FHIT: variants seen among roughly 807,000 people sequenced by gnomAD.
FHIT encodes the protein bis(5'-adenosyl)-triphosphatase.
A neutral mutation model predicts 17.9 loss-of-function variants in FHIT; 19 were observed. The ratio of observed to expected loss-of-function variants is 1.06; its 90% CI spans 0.74 to 1.56. The LOEUF is 1.56. FHIT is among the 40% of genes most tolerant of loss of function. The probability of loss-of-function intolerance (pLI) is 0.00; values close to 1 mark genes in which losing one functional copy is unlikely to be tolerated. For missense variants in FHIT, 248 were observed against 189.2 expected, an observed-to-expected ratio of 1.31 and a Z score of -1.82; for synonymous variants, 81 against 69.7, an observed-to-expected ratio of 1.16 and a Z score of -0.81.
chr3:60,070,653 A>G (rs1702727363), intron 5 of FHIT, among the ~76,000 whole-genome samples: 1 of 151,222 alleles, frequency 6.6e-6, no homozygotes. Flanking sequence ...CTGCTCAGCT[A>G]TGTTTAGAGG....
chr3:60,153,173 A>G (rs891948452), intron 5 of FHIT, among the ~76,000 whole-genome samples: 1 of 152,170 alleles, frequency 6.6e-6, no homozygotes, highest in Admixed American at 6.5e-5. Flanking sequence ...TGTACTATGG[A>G]TAAGATGACT....
intron 5 of FHIT, among the ~76,000 whole-genome samples, chr3:60,470,805 TG>T (rs370444354): frequency 1.3e-5 from 2 of 152,228 alleles, no homozygotes; most frequent in African/African-American, 4.8e-5. Context: ...CCACCACAGC[TG>T]GGAATGTGCT....
At chr3:60,712,346 A>G (rs1472920792) in intron 4 of FHIT, among the ~76,000 whole-genome samples, 2 of 152,152 alleles carry the variant, frequency 1.3e-5, no homozygotes, top group African/African-American at 2.4e-5. Context: ...AGACCATCGA[A>G]ACTAGGAAGA....
intron 5 of FHIT, among the ~76,000 whole-genome samples, chr3:60,217,169 T>A (rs1703733911): frequency 2.0e-5 from 3 of 152,172 alleles, no homozygotes; most frequent in Admixed American, 6.5e-5. Context: ...GAATACACAA[T>A]TACAAGCTTC....
intron 5 of FHIT, among the ~76,000 whole-genome samples, chr3:60,056,794 G>T (rs1292246606): frequency 6.6e-6 from 1 of 152,174 alleles, no homozygotes; most frequent in Non-Finnish European, 1.5e-5. Context: ...TGAAAGAGGG[G>T]CCAATACTTT....
At chr3:61,216,289 A>T (rs1400648910) in intron 1 of FHIT, among the ~76,000 whole-genome samples, 1 of 152,230 alleles carries the variant, frequency 6.6e-6, no homozygotes, top group Non-Finnish European at 1.5e-5. Flanking sequence ...ACTCAAATAA[A>T]TTTACAAGAC....
At chr3:61,076,085 T>A (rs1188023152) in intron 2 of FHIT, among the ~76,000 whole-genome samples, 2 of 152,150 alleles carry the variant, frequency 1.3e-5, no homozygotes, top group Non-Finnish European at 2.9e-5. Flanking sequence ...AATGATTACC[T>A]AAGGTTATAA....
intron 3 of FHIT, among the ~76,000 whole-genome samples, chr3:60,916,602 C>G (rs1354386897): frequency 6.6e-6 from 1 of 152,186 alleles, no homozygotes; most frequent in Non-Finnish European, 1.5e-5. Flanking sequence ...GTCAGAGAGA[C>G]CTTTAATTTG....
At chr3:60,869,390 C>T (rs185370806) in intron 3 of FHIT, among the ~76,000 whole-genome samples, 15 of 152,218 alleles carry the variant, frequency 9.9e-5, no homozygotes, top group Non-Finnish European at 2.1e-4. Flanking sequence ...CCCCCAGTGC[C>T]GGGAACCAGA....
chr3:60,943,985 G>A (rs1708530605), intron 3 of FHIT, among the ~76,000 whole-genome samples: 1 of 152,088 alleles, frequency 6.6e-6, no homozygotes. Context: ...ATCGGGAACA[G>A]CTCTCATTCT....
rs901163 is a variant in FHIT, at chr3:59,840,336, C to T, written c.348+82010G>A. Among the ~76,000 whole-genome samples, 25 of 151,206 alleles carry T rather than the reference C, an allele frequency of 1.7e-4. 1 individual carries two copies. In the South Asian group the frequency reaches 3.6e-3, roughly 22 times the overall value. ...TTGATAAGGATGGCAAACCCACTTCCTTCAGCATATTGCCAGCTCACAGGA... is the reference window on the plus strand; with the variant it reads ...TTGATAAGGATGGCAAACCCACTTCTTTCAGCATATTGCCAGCTCACAGGA... On this transcript the variant is annotated intron_variant, in intron 8 of 9. Coordinates refer to ENST00000492590, the MANE Select transcript of FHIT (RefSeq NM_002012.4).
At chr3:60,372,739 CT>C (rs1299323408) in intron 5 of FHIT, among the ~76,000 whole-genome samples, 4 of 152,132 alleles carry the variant, frequency 2.6e-5, no homozygotes, top group Admixed American at 2.6e-4. Context: ...TTTAGGATGT[CT>C]TTTATTTCTT....
chr3:60,186,228 C>A (rs1702151211), intron 5 of FHIT, among the ~76,000 whole-genome samples: 1 of 152,054 alleles, frequency 6.6e-6, no homozygotes, highest in Non-Finnish European at 1.5e-5. Context: ...TACAAGATCC[C>A]AGATTTTTTT....
At chr3:60,768,431 T>C (rs2108068838) in intron 4 of FHIT, among the ~76,000 whole-genome samples, 1 of 152,318 alleles carries the variant, frequency 6.6e-6, no homozygotes, top group African/African-American at 2.4e-5. Context: ...CCCTGCCAAC[T>C]CAGAGCTTAA....
rs543859644 is a variant in FHIT, at chr3:60,924,671, G to A, written c.-110-102660C>T. ...AGCGCCTCTCCTCCTCGAAAGGAAC[G>A]CAGCTCCTCACAAGCAACGGAACAA... On this transcript the variant is annotated intron_variant, in intron 3 of 9. Transcript: ENST00000492590. 6.6e-5 allele frequency among the ~76,000 whole-genome samples: 10 copies of A among 152,296 alleles called. 1 individual carries two copies. Among genetic ancestry groups the A allele is most frequent in the South Asian group, 2.1e-4 (1 of 4,830 alleles).
chr3:60,436,820 A>C (rs1399016689), intron 5 of FHIT, among the ~76,000 whole-genome samples: 4 of 152,128 alleles, frequency 2.6e-5, no homozygotes, highest in African/African-American at 9.7e-5. Context: ...CATTTTTTAC[A>C]AAGTATGGAT....
chr3:59,857,705 G>GTTTTTTTGTT lies in FHIT; in HGVS notation c.348+64640_348+64641insAACAAAAAAA, dbSNP rs1553697956. Among the ~76,000 whole-genome samples, 54 of 115,404 alleles carry GTTTTTTTGTT rather than the reference G, an allele frequency of 4.7e-4. 2 individuals carry two copies. The highest frequency in any genetic ancestry group is 1.9e-3 in the African/African-American group (52 of 27,686). The allele number at this position is 115,404 out of a possible 152,430, so 75.7% of individuals were successfully genotyped here. A position where few individuals can be genotyped will look rare whatever the true frequency, so the allele number is the denominator to read the frequency against. The stretch of plus-strand genomic sequence containing the variant: ...ATGACTATGCTGTGCAAAGTGCTGG[G>GTTTTTTTGTT]TTTTTTTTTTTTTTTTTGTATCCTA... On this transcript the variant is annotated intron_variant, in intron 8 of 9. Coordinates refer to ENST00000492590, the MANE Select transcript of FHIT (RefSeq NM_002012.4).
rs190919204 is a variant in FHIT at position 60,932,441 on chromosome 3, T to C, written c.-111+109606A>G. Among the ~76,000 whole-genome samples, 11 of 152,276 alleles carry C rather than the reference T, an allele frequency of 7.2e-5. No individual in the cohort carries two copies. In the East Asian group the frequency reaches 1.5e-3, roughly 21 times the overall value. On this transcript the variant is annotated intron_variant, in intron 3 of 9. Transcript: ENST00000492590. The stretch of plus-strand genomic sequence containing the variant: ...CATCTCCCGTGCCCTTTGGTTTCTA[T>C]AGGGCTAAGACAATGGCAGGCAGCA...
At chr3:59,891,630 G>A (rs1008126391) in intron 8 of FHIT, among the ~76,000 whole-genome samples, 1 of 152,206 alleles carries the variant, frequency 6.6e-6, no homozygotes, top group African/African-American at 2.4e-5. Flanking sequence ...CTTGCTGACG[G>A]TAGGTCTGGA....
Sources: allele counts gnomAD v4.1 joint callset (sites outside exome capture counted in the v4.1 genomes callset), GRCh38; gene constraint gnomAD v4.1.1; transcripts MANE v1.5; gene names NCBI Gene and HGNC (gene_info 2026-07-23, HGNC 2026-07-21).